ADGRV1: variants seen among roughly 807,000 people sequenced by gnomAD.
The protein encoded by ADGRV1 is G-protein coupled receptor 98.
Under a neutral mutation model 596.2 loss-of-function variants are expected in ADGRV1, and 359 were observed. That is an observed-to-expected ratio of 0.60 (90% CI 0.55 to 0.66). The LOEUF is 0.66. Among genes scored for constraint, ADGRV1 ranks in the 30% least tolerant of loss-of-function variants. ADGRV1 has a pLI of 0.00. For missense variants in ADGRV1, 7,274 were observed against 7,575.6 expected (o/e 0.96, Z 1.48); for synonymous variants, 2,681 against 2,679.2 (o/e 1.00, Z -0.02).
At position 90,647,728 on chromosome 5, in the gene ADGRV1, G is replaced by T. The variant is rs748413150; in HGVS notation, c.3253G>T (p.Asp1085Tyr). The T allele has an allele frequency of 1.1e-5, 17 of 1,613,790 alleles. No individual in the cohort carries two copies. Among genetic ancestry groups the T allele is most frequent in the Non-Finnish European group, 1.4e-5 (16 of 1,179,732 alleles). ...TAATGAAGATGGTATCCCGGAAACAGATGAGCCCTTTTATATAATCCTCTT... is the reference window on the plus strand; with the variant it reads ...TAATGAAGATGGTATCCCGGAAACATATGAGCCCTTTTATATAATCCTCTT... Reference protein sequence around the residue: ...FVNEDGIPETDEPFYIILLNS... With the variant: ...FVNEDGIPETYEPFYIILLNS... The change falls in exon 17 of 90, where the codon GAT becomes TAT. Residue 1085 changes from aspartate (D) to tyrosine (Y), a missense_variant. Physicochemically the swap from Asp to Tyr is radical, Grantham distance 160. This residue lies in a region of ADGRV1 where 1,715 missense variants were observed against 1,708.8 expected (regional missense o/e 1.00). Transcript: ENST00000405460.
Position 90,622,673 on chromosome 5 carries a change from C to G in ADGRV1, c.530C>G (p.Thr177Ser). The part of the protein sequence containing the change: ...MPLTLIREKG[T>S]YGMVMVTFEV... ...CTTACTCTCATCAGGGAAAAGGGAACCTATGGAATGGTCATGGTGACTTTT... is the reference window on the plus strand; with the variant it reads ...CTTACTCTCATCAGGGAAAAGGGAAGCTATGGAATGGTCATGGTGACTTTT... Residue 177 changes from threonine (T) to serine (S), a missense_variant, in exon 5 of 90, where the codon ACC (threonine) becomes AGC (serine). By Grantham distance (58) the Thr-to-Ser change is moderately conservative. Transcript: ENST00000405460. 7 of 1,550,390 alleles carry G rather than the reference C, an allele frequency of 4.5e-6. No individual in the cohort carries two copies. The highest frequency in any genetic ancestry group is 6.1e-6 in the Non-Finnish European group (7 of 1,144,756).
intron 83 of ADGRV1, among the ~76,000 whole-genome samples, chr5:90,949,863 C>T (rs1447282587): frequency 6.6e-6 from 1 of 152,074 alleles, no homozygotes; most frequent in Non-Finnish European, 1.5e-5. Flanking sequence ...TGCATTGACT[C>T]TTTGGAAGTG....
chr5:90,763,481 A>G lies in ADGRV1; in HGVS notation c.12285+12A>G. ...TTCATTTTGATGAGGTATAGTCAGCATTAGCACTCCTGTAATTTTTCCCCA... is the reference window on the plus strand; with the variant it reads ...TTCATTTTGATGAGGTATAGTCAGCGTTAGCACTCCTGTAATTTTTCCCCA... On this transcript the variant is annotated intron_variant, in intron 59 of 89. Transcript: ENST00000405460. 2 of 1,584,868 alleles carry G rather than the reference A, an allele frequency of 1.3e-6. No individual in the cohort carries two copies. The highest frequency in any genetic ancestry group is 2.2e-5 in the East Asian group (1 of 44,468).
chr5:90,704,903 C>T (rs6894453), intron 36 of ADGRV1, among the ~76,000 whole-genome samples: 1 of 151,638 alleles, frequency 6.6e-6, no homozygotes, highest in African/African-American at 2.4e-5. Flanking sequence ...CGCCGCCTCC[C>T]GGGTTCAAGC....
chr5:91,117,598 C>T (rs1201578237), intron 87 of ADGRV1, among the ~76,000 whole-genome samples: 1 of 152,186 alleles, frequency 6.6e-6, no homozygotes, highest in Non-Finnish European at 1.5e-5. Context: ...TCATCATGCA[C>T]TGCAACGCTG....
chr5:90,904,443 A>T (rs1436814872), intron 83 of ADGRV1, among the ~76,000 whole-genome samples: 4 of 151,948 alleles, frequency 2.6e-5, no homozygotes, highest in Non-Finnish European at 5.9e-5. Flanking sequence ...TGTCTTTCGG[A>T]TATAAGCCAG....
chr5:90,743,175 A>G (rs145831912), intron 50 of ADGRV1, among the ~76,000 whole-genome samples: 2,096 of 152,272 alleles, frequency 0.014, 25 homozygotes, highest in Admixed American at 0.024. Flanking sequence ...CCCCTGAATT[A>G]ATTTTTTTAC....
chr5:90,686,140 A>T, intron 29 of ADGRV1, 145 bp downstream of exon 29: 1 of 306,600 alleles, frequency 3.3e-6, no homozygotes, highest in Admixed American at 5.4e-5. Flanking sequence ...TTTTCAAGGG[A>T]CAAATCTAGA....
chr5:90,831,197 A>G (rs1278502010), intron 77 of ADGRV1, among the ~76,000 whole-genome samples: 1 of 151,628 alleles, frequency 6.6e-6, no homozygotes, highest in Non-Finnish European at 1.5e-5. Context: ...TGCATGAGCT[A>G]ATTTCTTACC....
chr5:90,990,366 A>C (rs890493659), intron 85 of ADGRV1, among the ~76,000 whole-genome samples: 1 of 152,188 alleles, frequency 6.6e-6, no homozygotes, highest in Non-Finnish European at 1.5e-5. Context: ...CAGCCATGTA[A>C]CTTGAAATTC....
intron 1 of ADGRV1, among the ~76,000 whole-genome samples, chr5:90,609,130 A>G (rs1234596249): frequency 1.3e-5 from 2 of 152,070 alleles, no homozygotes; most frequent in South Asian, 2.1e-4. Context: ...ATATTTCTGT[A>G]TATATGTACA....
At chr5:90,981,563 C>T (rs1024520000) in intron 84 of ADGRV1, among the ~76,000 whole-genome samples, 6 of 152,036 alleles carry the variant, frequency 3.9e-5, no homozygotes, top group South Asian at 4.2e-4. Context: ...TAGATGTTCC[C>T]GCTCTGCATG....
chr5:90,700,853 T>C, intron 34 of ADGRV1, among the ~76,000 whole-genome samples: 1 of 152,168 alleles, frequency 6.6e-6, no homozygotes, highest in East Asian at 1.9e-4. Flanking sequence ...AGTATATGTA[T>C]GTCATGTATA....
At chr5:90,768,128 C>T (rs1228698764) in intron 59 of ADGRV1, among the ~76,000 whole-genome samples, 1 of 152,176 alleles carries the variant, frequency 6.6e-6, no homozygotes, top group Non-Finnish European at 1.5e-5. Context: ...TTGTTTTGAG[C>T]ATAAAATCTA....
chr5:91,146,697 T>A (rs1210888474), intron 87 of ADGRV1, among the ~76,000 whole-genome samples: 1 of 152,168 alleles, frequency 6.6e-6, no homozygotes, highest in African/African-American at 2.4e-5. Context: ...AGCATTTTCC[T>A]AAGAAAAAAT....
chr5:90,819,016 T>C (rs1168657337), intron 75 of ADGRV1, among the ~76,000 whole-genome samples: 1 of 152,190 alleles, frequency 6.6e-6, no homozygotes, highest in African/African-American at 2.4e-5. Flanking sequence ...GTACCTCTGG[T>C]AGAAATCGGC....
At chr5:90,772,398 T>A (rs986886046) in intron 59 of ADGRV1, among the ~76,000 whole-genome samples, 19 of 152,200 alleles carry the variant, frequency 1.2e-4, no homozygotes, top group African/African-American at 3.4e-4. Context: ...ATCACTTTTT[T>A]AAATTTTTGT....
chr5:90,565,937 CT>C (rs903989193), intron 1 of ADGRV1, among the ~76,000 whole-genome samples: 108 of 152,198 alleles, frequency 7.1e-4, no homozygotes, highest in Middle Eastern at 3.4e-3. Flanking sequence ...TTTTCATATG[CT>C]TGTTGGTCAT....
chr5:90,925,010 T>C (rs370917097), intron 83 of ADGRV1, among the ~76,000 whole-genome samples: 38,678 of 149,450 alleles, frequency 0.26, 5,770 homozygotes, highest in Non-Finnish European at 0.34. Context: ...TTGGTACCAG[T>C]ACCATGCTGT....
Sources: gnomAD v4.1 joint callset for allele counts (sites outside exome capture counted in the v4.1 genomes callset) on GRCh38, gnomAD v4.1.1 for gene constraint, gnomAD v4.1.1 regional missense constraint, MANE v1.5 for transcripts, NCBI Gene and HGNC (gene_info 2026-07-23, HGNC 2026-07-21) for gene names.